CRPPA: variants seen among roughly 807,000 people sequenced by gnomAD.
The protein encoded by CRPPA is D-ribitol-5-phosphate cytidylyltransferase.
CRPPA carries 43 observed loss-of-function variants against 52.0 expected under a neutral mutation model. That is an observed-to-expected ratio of 0.83 (90% CI 0.65 to 1.07). CRPPA has a LOEUF of 1.07. CRPPA is among the 50% of genes least tolerant of loss of function. The probability of loss-of-function intolerance (pLI) is 0.00; values close to 1 mark genes in which losing one functional copy is unlikely to be tolerated. For synonymous variants in CRPPA, 250 were observed against 203.5 expected, an observed-to-expected ratio of 1.23 and a Z score of -1.94; for missense variants, 629 against 551.7, an observed-to-expected ratio of 1.14 and a Z score of -1.40.
intron 9 of CRPPA, among the ~76,000 whole-genome samples, chr7:16,211,578 TA>T (rs367815130): frequency 1.0e-3 from 155 of 151,134 alleles, no homozygotes; most frequent in African/African-American, 3.5e-3. Flanking sequence ...ATGATTACCA[TA>T]AAAAAAAACA....
intron 3 of CRPPA, among the ~76,000 whole-genome samples, chr7:16,363,303 G>A (rs1786506263): frequency 6.6e-6 from 1 of 152,092 alleles, no homozygotes; most frequent in South Asian, 2.1e-4. Context: ...TGCAAGTTAA[G>A]GACAGCAAAT....
intron 5 of CRPPA, among the ~76,000 whole-genome samples, chr7:16,279,519 A>T (rs1397621422): frequency 1.3e-5 from 2 of 152,204 alleles, no homozygotes; most frequent in Non-Finnish European, 2.9e-5. Context: ...AAAAAAATAA[A>T]TCTGTAATTC....
rs574218098 is a variant in CRPPA, at chr7:16,407,529, C to T, written c.258-1192G>A. 1.5e-3 allele frequency among the ~76,000 whole-genome samples: 221 copies of T among 152,284 alleles called. 2 individuals carry two copies. Among genetic ancestry groups the T allele is most frequent in the African/African-American group, 5.2e-3 (215 of 41,560 alleles). On this transcript the variant is annotated intron_variant, in intron 1 of 9. Transcript: ENST00000407010. Reference sequence around the variant, plus strand: ...GCCTATGAGATCCTATACTTTCATGCTAAAACAGTTAAGTCTTTAGAATAT... The same window carrying T: ...GCCTATGAGATCCTATACTTTCATGTTAAAACAGTTAAGTCTTTAGAATAT...
intron 3 of CRPPA, among the ~76,000 whole-genome samples, chr7:16,353,259 G>A (rs1380391403): frequency 6.6e-6 from 1 of 152,046 alleles, no homozygotes; most frequent in Admixed American, 6.6e-5. Context: ...AGGCTGAGGT[G>A]AGAAAATTGC....
intron 9 of CRPPA, among the ~76,000 whole-genome samples, chr7:16,164,195 C>T (rs1183731589): frequency 6.6e-6 from 1 of 152,162 alleles, no homozygotes; most frequent in Non-Finnish European, 1.5e-5. Context: ...TTCTTGGAGG[C>T]TTTGTTCCTT....
Position 16,286,060 on chromosome 7 carries a change from T to TAGA in CRPPA, c.836-7835_836-7834insTCT, listed in dbSNP as rs1562608487. 3.5e-3 allele frequency among the ~76,000 whole-genome samples: 121 copies of TAGA among 34,668 alleles called. 3 individuals are homozygous for TAGA. The highest frequency in any genetic ancestry group is 5.4e-3 in the African/African-American group (28 of 5,176). The allele number at this position is 34,668 out of a possible 152,430, so 22.7% of individuals were successfully genotyped here. Reference sequence around the variant, plus strand: ...AAAAATATAAATATATATATATATATATATATATATATATATATATAATAT... The same window carrying TAGA: ...AAAAATATAAATATATATATATATATAGAATATATATATATATATATATAATAT... On this transcript the variant is annotated intron_variant, in intron 5 of 9. Coordinates refer to ENST00000407010, the MANE Select transcript of CRPPA (RefSeq NM_001101426.4).
chr7:16,403,144 A>T (rs1008194645), intron 2 of CRPPA, among the ~76,000 whole-genome samples: 1 of 152,180 alleles, frequency 6.6e-6, no homozygotes, highest in Non-Finnish European at 1.5e-5. Flanking sequence ...AGGGGGGGAA[A>T]AAAACAGTTG....
chr7:16,101,153 T>A (rs1376678771), intron 9 of CRPPA, among the ~76,000 whole-genome samples: 1 of 152,174 alleles, frequency 6.6e-6, no homozygotes, highest in Non-Finnish European at 1.5e-5. Flanking sequence ...TGTATCAGGA[T>A]GATGCTGGCC....
intron 3 of CRPPA, among the ~76,000 whole-genome samples, chr7:16,327,912 G>A (rs1053305866): frequency 6.6e-5 from 10 of 152,040 alleles, no homozygotes; most frequent in African/African-American, 2.4e-4. Flanking sequence ...ACACCAACTT[G>A]CTACAAAAAG....
At chr7:16,408,155 C>G (rs1453612887) in intron 1 of CRPPA, among the ~76,000 whole-genome samples, 3 of 148,600 alleles carry the variant, frequency 2.0e-5, no homozygotes, top group African/African-American at 7.4e-5. Context: ...GAGGATACAA[C>G]AGAAATAAGC....
chr7:16,140,278 G>T (rs955623883), intron 9 of CRPPA, among the ~76,000 whole-genome samples: 1 of 152,050 alleles, frequency 6.6e-6, no homozygotes, highest in African/African-American at 2.4e-5. Flanking sequence ...CTCCTGAGTA[G>T]CTGGGACTAC....
At chr7:16,154,873 T>C (rs1408186266) in intron 9 of CRPPA, among the ~76,000 whole-genome samples, 1 of 150,286 alleles carries the variant, frequency 6.7e-6, no homozygotes, top group Non-Finnish European at 1.5e-5. Flanking sequence ...AGTGGCACAA[T>C]CTCGACTCAC....
intron 8 of CRPPA, among the ~76,000 whole-genome samples, chr7:16,218,946 T>C (rs1782417355): frequency 6.6e-6 from 1 of 152,148 alleles, no homozygotes; most frequent in Non-Finnish European, 1.5e-5. Context: ...GCAGACCTAA[T>C]AGACATCTAT....
At chr7:16,114,986 T>A (rs973256377) in intron 9 of CRPPA, among the ~76,000 whole-genome samples, 1 of 152,044 alleles carries the variant, frequency 6.6e-6, no homozygotes, top group African/African-American at 2.4e-5. Flanking sequence ...AAGACTAAGG[T>A]AACACTCCAA....
intron 9 of CRPPA, among the ~76,000 whole-genome samples, chr7:16,145,261 A>G (rs1782952950): frequency 6.6e-6 from 1 of 152,178 alleles, no homozygotes; most frequent in Admixed American, 6.5e-5. Context: ...AGGCCTGCCA[A>G]ATGCAGATAT....
At chr7:16,279,765 G>A (rs1465547443) in intron 5 of CRPPA, among the ~76,000 whole-genome samples, 6 of 152,170 alleles carry the variant, frequency 3.9e-5, no homozygotes, top group African/African-American at 1.2e-4. Context: ...ATTTTAATGT[G>A]TATTGAGGTA....
intron 8 of CRPPA, among the ~76,000 whole-genome samples, chr7:16,241,199 C>G (rs1451305557): frequency 6.6e-6 from 1 of 151,908 alleles, no homozygotes; most frequent in East Asian, 1.9e-4. Context: ...CTTTTCTTTT[C>G]TTTTTTTAAT....
At chr7:16,126,219 ACC>A (rs1419384479) in intron 9 of CRPPA, among the ~76,000 whole-genome samples, 3 of 152,072 alleles carry the variant, frequency 2.0e-5, no homozygotes, top group Non-Finnish European at 4.4e-5. Flanking sequence ...CCCATTCCCT[ACC>A]TGCATTAAAG....
intron 9 of CRPPA, among the ~76,000 whole-genome samples, chr7:16,154,115 G>A (rs376566599): frequency 3.3e-5 from 5 of 150,790 alleles, no homozygotes; most frequent in East Asian, 3.9e-4. Flanking sequence ...CGTTAGCAGC[G>A]GTTGTGGCCT....
Sources: allele counts gnomAD v4.1 joint callset (sites outside exome capture counted in the v4.1 genomes callset), GRCh38; gene constraint gnomAD v4.1.1; transcripts MANE v1.5; gene names NCBI Gene and HGNC (gene_info 2026-07-23, HGNC 2026-07-21).